ZC3H12B: variants seen among roughly 807,000 people sequenced by gnomAD.
The protein encoded by ZC3H12B is zinc finger CCCH-type containing 12B, also known as probable ribonuclease ZC3H12B.
ZC3H12B carries 7 observed loss-of-function variants against 43.9 expected under a neutral mutation model. That is an observed-to-expected ratio of 0.16 (90% CI 0.09 to 0.30). ZC3H12B has a LOEUF of 0.30. ZC3H12B is among the 10% of genes least tolerant of loss of function. The pLI is 1.00. For synonymous variants in ZC3H12B, 222 were observed against 241.7 expected, an observed-to-expected ratio of 0.92 and a Z score of 0.76; for missense variants, 475 against 670.2, an observed-to-expected ratio of 0.71 and a Z score of 3.22.
chrX:65,042,108 A>G, the ZC3H12B span, among the ~76,000 whole-genome samples: 1 of 112,711 alleles, frequency 8.9e-6, no homozygotes, highest in Admixed American at 9.4e-5. Context: ...ATTTGCCTCT[A>G]TTGTGTAACT....
chrX:65,074,554 ATGTT>A, the ZC3H12B span, among the ~76,000 whole-genome samples: 1 of 111,971 alleles, frequency 8.9e-6, no homozygotes, highest in Non-Finnish European at 1.9e-5. Flanking sequence ...CTTTAAATAA[ATGTT>A]TGTCCCTTTA....
the ZC3H12B span, among the ~76,000 whole-genome samples, chrX:65,236,999 CT>C: frequency 9.0e-6 from 1 of 111,679 alleles, no homozygotes; most frequent in Non-Finnish European, 1.9e-5. Flanking sequence ...TGGCTTTGTT[CT>C]TTTTGCTTAG....
Position 65,454,143 on chromosome X carries a change from C to A in ZC3H12B, n.408-34503C>A, listed in dbSNP as rs1484197880. Among the ~76,000 whole-genome samples, 5 of 112,608 alleles carry A rather than the reference C, an allele frequency of 4.4e-5. No individual in the cohort carries two copies. The Middle Eastern group carries it at 0.018, about 411-fold the overall frequency. On this transcript the variant is annotated intron_variant and non_coding_transcript_variant, in intron 3 of 5. Coordinates refer to the ZC3H12B transcript ENST00000617377. ...ACTGGGGATTGTCAGACAGTGGGTG[C>A]AGGACAGTGGGTGCAGTGCACCAAG...
At chrX:65,158,134 G>A in the ZC3H12B span, among the ~76,000 whole-genome samples, 1 of 108,485 alleles carries the variant, frequency 9.2e-6, no homozygotes, top group Non-Finnish European at 1.9e-5. Flanking sequence ...AGTATTCCAT[G>A]GTGTATATGT....
chrX:65,453,963 G>A (rs2067563269), intron 3 of ZC3H12B, among the ~76,000 whole-genome samples: 1 of 112,179 alleles, frequency 8.9e-6, no homozygotes, highest in Non-Finnish European at 1.9e-5. Context: ...ATTGGGTACA[G>A]TGTACACTGC....
chrX:65,407,216 C>T lies in ZC3H12B; in HGVS notation n.407+8512C>T, dbSNP rs1184348547. On this transcript the variant is annotated intron_variant and non_coding_transcript_variant, in intron 3 of 5. Transcript: ENST00000617377. ...GGAAGAAGGGTCCGGAGCGGCCGGG[C>T]CGGCCGTGCAGGGCGAGTGCGCGCG... is the stretch of plus-strand genomic sequence containing the variant. 5.3e-5 allele frequency among the ~76,000 whole-genome samples: 6 copies of T among 112,766 alleles called. No homozygotes were observed. In the Admixed American group the frequency reaches 5.5e-4, roughly 10 times the overall value.
upstream of ZC3H12B, among the ~76,000 whole-genome samples, chrX:65,484,542 A>C (rs941226365): frequency 8.9e-6 from 1 of 112,126 alleles, no homozygotes; most frequent in African/African-American, 3.2e-5. Context: ...CTTTTATGAA[A>C]AAAAATTGCT....
intron 3 of ZC3H12B, among the ~76,000 whole-genome samples, chrX:65,456,782 C>T (rs931882159): frequency 2.8e-5 from 3 of 109,057 alleles, no homozygotes; most frequent in East Asian, 3.0e-4. Flanking sequence ...GGCGTGATCT[C>T]GGCTCGCTAC....
At chrX:65,174,927 A>C in the ZC3H12B span, among the ~76,000 whole-genome samples, 18 of 109,069 alleles carry the variant, frequency 1.7e-4, no homozygotes, top group Admixed American at 6.9e-4. Context: ...GGAAAAAAAA[A>C]CAAAAAACAA....
At chrX:65,412,254 G>A (rs957590787) in intron 3 of ZC3H12B, among the ~76,000 whole-genome samples, 5 of 111,555 alleles carry the variant, frequency 4.5e-5, no homozygotes, top group Admixed American at 2.9e-4. Context: ...GTGACCTTTT[G>A]TGCCTTGCTT....
intron 3 of ZC3H12B, among the ~76,000 whole-genome samples, chrX:65,471,885 T>C (rs1822822351): frequency 8.9e-6 from 1 of 111,962 alleles, no homozygotes; most frequent in African/African-American, 3.2e-5. Flanking sequence ...TGTTTTGTTT[T>C]CTTCATTGTG....
the ZC3H12B span, among the ~76,000 whole-genome samples, chrX:65,108,652 AC>A: frequency 2.9e-5 from 3 of 104,042 alleles, no homozygotes; most frequent in African/African-American, 1.0e-4. Context: ...AAAAAAAAAA[AC>A]TAAGTAGAAA....
At chrX:65,428,246 G>C (rs748384419) in intron 3 of ZC3H12B, among the ~76,000 whole-genome samples, 1 of 111,473 alleles carries the variant, frequency 9.0e-6, no homozygotes, top group East Asian at 2.8e-4. Flanking sequence ...TATTGGGATT[G>C]ATCTTTTTGT....
chrX:65,114,328 A>T, the ZC3H12B span, among the ~76,000 whole-genome samples: 1 of 109,761 alleles, frequency 9.1e-6, no homozygotes, highest in East Asian at 2.9e-4. Flanking sequence ...ATTGGTTATA[A>T]TTCTTTTAAT....
the ZC3H12B span, among the ~76,000 whole-genome samples, chrX:65,195,021 C>G: frequency 1.9e-5 from 2 of 105,646 alleles, no homozygotes; most frequent in African/African-American, 6.9e-5. Flanking sequence ...TATGGAATAT[C>G]TTTTTCCTTT....
the ZC3H12B span, among the ~76,000 whole-genome samples, chrX:65,333,876 A>G: frequency 8.9e-6 from 1 of 111,985 alleles, no homozygotes; most frequent in African/African-American, 3.2e-5. Flanking sequence ...TTTACACAAC[A>G]ATTATAACTA....
chrX:65,211,909 A>C, the ZC3H12B span, among the ~76,000 whole-genome samples: 1 of 75,102 alleles, frequency 1.3e-5, no homozygotes, highest in Admixed American at 2.2e-4. Flanking sequence ...TATATATGTT[A>C]TGTATACTAT....
chrX:65,290,482 T>C, the ZC3H12B span, among the ~76,000 whole-genome samples: 3 of 111,435 alleles, frequency 2.7e-5, no homozygotes, highest in Admixed American at 9.5e-5. Flanking sequence ...GAATTACCAT[T>C]CACTTAAGCA....
At chrX:65,311,963 G>A in the ZC3H12B span, among the ~76,000 whole-genome samples, 4 of 110,997 alleles carry the variant, frequency 3.6e-5, no homozygotes, top group Non-Finnish European at 7.6e-5. Context: ...TTGGACACAG[G>A]GTGGGGAACA....
Sources: gnomAD v4.1 joint callset for allele counts (sites outside exome capture counted in the v4.1 genomes callset) on GRCh38, gnomAD v4.1.1 for gene constraint, MANE v1.5 for transcripts, NCBI Gene and HGNC (gene_info 2026-07-23, HGNC 2026-07-21) for gene names.